RNF144A: variants seen among roughly 807,000 people sequenced by gnomAD.
RNF144A encodes E3 ubiquitin-protein ligase RNF144A.
Under a neutral mutation model 38.7 loss-of-function variants are expected in RNF144A, and 11 were observed. That is an observed-to-expected ratio of 0.28 (90% CI 0.18 to 0.47). The LOEUF (loss-of-function observed/expected upper bound fraction) is 0.47, where lower values mean the gene tolerates loss of function less well. Among genes scored for constraint, RNF144A ranks in the 20% least tolerant of loss-of-function variants. The pLI, the probability that RNF144A is intolerant of heterozygous loss-of-function variation, is 0.99. For synonymous variants in RNF144A, 149 were observed against 143.9 expected, an observed-to-expected ratio of 1.04 and a Z score of -0.25; for missense variants, 316 against 377.2, an observed-to-expected ratio of 0.84 and a Z score of 1.34.
chr2:6,919,578 C>T lies in RNF144A; in HGVS notation c.-212+1956C>T, dbSNP rs554841659. Among the ~76,000 whole-genome samples the T allele has an allele frequency of 1.5e-4, 22 of 147,726 alleles. 1 individual carries two copies. In the South Asian group the frequency reaches 3.4e-3, roughly 23 times the overall value. On this transcript the variant is annotated intron_variant, in intron 1 of 8. Transcript: ENST00000320892. ...GAGCCCTGCTTTAGAGTGATTTCCGCGGTGTTGCGTGGAAGGGAAGGCATG... is the reference window on the plus strand; with the variant it reads ...GAGCCCTGCTTTAGAGTGATTTCCGTGGTGTTGCGTGGAAGGGAAGGCATG...
intron 6 of RNF144A, among the ~76,000 whole-genome samples, chr2:7,067,353 T>G (rs974777322): frequency 6.6e-6 from 1 of 152,132 alleles, no homozygotes; most frequent in African/African-American, 2.4e-5. Context: ...GATACAGACA[T>G]CAGAGAGATC....
chr2:7,005,180 G>A (rs1376341437), intron 3 of RNF144A, among the ~76,000 whole-genome samples: 1 of 152,164 alleles, frequency 6.6e-6, no homozygotes, highest in Non-Finnish European at 1.5e-5. Flanking sequence ...TTCAGCTGAA[G>A]GTCCCTCTGT....
rs1427910876 is a variant in RNF144A at position 7,041,642 on chromosome 2, G to C, written c.*1882G>C. The C allele has an allele frequency of 2.3e-5, 23 of 985,550 alleles. No homozygotes were observed. Among genetic ancestry groups the C allele is most frequent in the Non-Finnish European group, 2.5e-5 (21 of 829,992 alleles). The allele number at this position is 985,550 out of a possible 1,614,324, so 61.1% of individuals were successfully genotyped here. A position where few individuals can be genotyped will look rare whatever the true frequency, so the allele number is the denominator to read the frequency against. ...TTGGCTGGGCTTGAGCCCTCAGCCT[G>C]TGATATGTGGATGCAGCTGTCCAGC... On this transcript the variant is annotated 3_prime_UTR_variant, in exon 9 of 9. Coordinates refer to ENST00000320892, the MANE Select transcript of RNF144A (RefSeq NM_014746.6).
At chr2:6,951,906 G>T (rs1666704458) in intron 2 of RNF144A, among the ~76,000 whole-genome samples, 1 of 151,990 alleles carries the variant, frequency 6.6e-6, no homozygotes, top group South Asian at 2.1e-4. Context: ...TCTTTCTTGT[G>T]ATTGCTTTCT....
intron 3 of RNF144A, among the ~76,000 whole-genome samples, chr2:7,000,061 G>A (rs999178925): frequency 3.9e-5 from 6 of 152,126 alleles, no homozygotes; most frequent in African/African-American, 9.7e-5. Context: ...TGCTAATATG[G>A]CACTCCCCTG....
intron 2 of RNF144A, among the ~76,000 whole-genome samples, chr2:6,986,877 G>A (rs1443165909): frequency 6.6e-6 from 1 of 152,084 alleles, no homozygotes; most frequent in African/African-American, 2.4e-5. Context: ...AAAAGAAGGA[G>A]GGATGATCCA....
intron 5 of RNF144A, among the ~76,000 whole-genome samples, chr2:7,019,714 A>G (rs1413885819): frequency 6.6e-6 from 1 of 152,262 alleles, no homozygotes; most frequent in Non-Finnish European, 1.5e-5. Flanking sequence ...AGGGCAGCCA[A>G]TAATTTAAAG....
At chr2:6,931,397 G>T (rs1041044086) in intron 1 of RNF144A, among the ~76,000 whole-genome samples, 1 of 152,248 alleles carries the variant, frequency 6.6e-6, no homozygotes, top group Admixed American at 6.5e-5. Context: ...TGTCCAAAAT[G>T]CAGATTAACA....
At chr2:7,004,327 T>C (rs1670301599) in intron 3 of RNF144A, among the ~76,000 whole-genome samples, 1 of 152,184 alleles carries the variant, frequency 6.6e-6, no homozygotes, top group Non-Finnish European at 1.5e-5. Context: ...TTTCAGTAAC[T>C]CCTGTAGATA....
Position 6,942,945 on chromosome 2 carries a change from T to C in RNF144A, c.-12+1798T>C, listed in dbSNP as rs146561045. 2.7e-3 allele frequency among the ~76,000 whole-genome samples: 410 copies of C among 152,230 alleles called. 2 individuals carry two copies. Among genetic ancestry groups the C allele is most frequent in the African/African-American group, 9.2e-3 (384 of 41,524 alleles). On this transcript the variant is annotated intron_variant, in intron 2 of 8. Transcript: ENST00000320892. Reference sequence around the variant, plus strand: ...GTCGCAGTGAGCTGAGTTCGTGGCATTGCACTCCAGCCTGGGTGACAAAAG... The same window carrying C: ...GTCGCAGTGAGCTGAGTTCGTGGCACTGCACTCCAGCCTGGGTGACAAAAG...
In RNF144A at chr2:6,962,248, C is replaced by T. The variant is rs562240899; in HGVS notation, c.-12+21101C>T. 2.4e-4 allele frequency among the ~76,000 whole-genome samples: 36 copies of T among 152,250 alleles called. No homozygotes were observed. The highest frequency in any genetic ancestry group is 6.2e-4 in the South Asian group (3 of 4,824). ...CCACCCTAATGATTTATTATGCAGGCGGGTTCTCTGCCTGAGCTCCACCAT... is the reference window on the plus strand; with the variant it reads ...CCACCCTAATGATTTATTATGCAGGTGGGTTCTCTGCCTGAGCTCCACCAT... On this transcript the variant is annotated intron_variant, in intron 2 of 8. Coordinates refer to ENST00000320892, the MANE Select transcript of RNF144A (RefSeq NM_014746.6). This position sits in a 1 kb window ranked among gnomAD's most constrained non-coding sequence, Gnocchi z 4.1.
At position 7,000,512 on chromosome 2, in the gene RNF144A, G is replaced by A. The variant is rs550947312; in HGVS notation, c.135+3451G>A. On this transcript the variant is annotated intron_variant, in intron 3 of 8. Transcript: ENST00000320892. ...TGTAGAAGATGTTTTAACTTAAAAT[G>A]GGACATATTAGAGCTATTTAGGTCT... Among the ~76,000 whole-genome samples, 6 of 152,312 alleles carry A rather than the reference G, an allele frequency of 3.9e-5. No individual in the cohort carries two copies. In the South Asian group the frequency reaches 1.2e-3, roughly 32 times the overall value.
At position 6,941,498 on chromosome 2, in the gene RNF144A, G is replaced by A. The variant is rs1312491625; in HGVS notation, c.-12+351G>A. Among the ~76,000 whole-genome samples, 1 of 152,198 alleles carries A rather than the reference G, an allele frequency of 6.6e-6. No individual in the cohort carries two copies. Among genetic ancestry groups the A allele is most frequent in the Non-Finnish European group, 1.5e-5 (1 of 68,042 alleles). On this transcript the variant is annotated intron_variant, in intron 2 of 8. Coordinates refer to ENST00000320892, the MANE Select transcript of RNF144A (RefSeq NM_014746.6). This position sits in a 1 kb window ranked among gnomAD's most constrained non-coding sequence, Gnocchi z 6.5. Reference sequence around the variant, plus strand: ...GTGTGCCAGGCACAGCTCTAACTCAGAACTCAGTGAGGCAGCACCAGTGCC... The same window carrying A: ...GTGTGCCAGGCACAGCTCTAACTCAAAACTCAGTGAGGCAGCACCAGTGCC...
At chr2:6,993,439 C>T (rs573870189) in intron 2 of RNF144A, among the ~76,000 whole-genome samples, 1 of 152,128 alleles carries the variant, frequency 6.6e-6, no homozygotes, top group Non-Finnish European at 1.5e-5. Context: ...AACAGAGAGG[C>T]AGTAAACAGG....
At chr2:7,070,771 A>G (rs1674445721), downstream of RNF144A, among the ~76,000 whole-genome samples, 1 of 152,094 alleles carries the variant, frequency 6.6e-6, no homozygotes, top group Non-Finnish European at 1.5e-5. Flanking sequence ...CAAGCCAAAA[A>G]AGTTCCGCGA....
chr2:6,982,639 G>T (rs1388882753), intron 2 of RNF144A, among the ~76,000 whole-genome samples: 1 of 152,194 alleles, frequency 6.6e-6, no homozygotes, highest in African/African-American at 2.4e-5. Context: ...CGGCTGTGGG[G>T]TAAAAGGAAG....
At chr2:7,070,677 C>A (rs916989457), downstream of RNF144A, among the ~76,000 whole-genome samples, 1 of 152,106 alleles carries the variant, frequency 6.6e-6, no homozygotes, top group Non-Finnish European at 1.5e-5. Context: ...ACACATACAC[C>A]CAGAGGCAAG....
Position 7,040,692 on chromosome 2 carries a change from G to C in RNF144A, c.*932G>C, listed in dbSNP as rs1572466230. 1 of 985,492 alleles carries C rather than the reference G, an allele frequency of 1.0e-6. No individual in the cohort carries two copies. The highest frequency in any genetic ancestry group is 1.1e-4 in the East Asian group (1 of 8,822). 61.0% of individuals were successfully genotyped at this position (985,492 alleles called of 1,614,324 possible). On this transcript the variant is annotated 3_prime_UTR_variant, in exon 9 of 9. Coordinates refer to ENST00000320892, the MANE Select transcript of RNF144A (RefSeq NM_014746.6). ...GGCCTCTGGCCTCAGTCTTCAGATA[G>C]ACAGTAAGAAGAAAGCAGCCTCATT...
At chr2:6,926,545 T>C in intron 1 of RNF144A, among the ~76,000 whole-genome samples, 1 of 152,156 alleles carries the variant, frequency 6.6e-6, no homozygotes, top group East Asian at 1.9e-4. Context: ...GGCTTCAAGG[T>C]TGCAGGTGTG....
Sources: gnomAD v4.1 joint callset for allele counts (sites outside exome capture counted in the v4.1 genomes callset) on GRCh38, gnomAD v4.1.1 for gene constraint, Gnocchi (gnomAD v3.1) non-coding constraint, MANE v1.5 for transcripts, NCBI Gene and HGNC (gene_info 2026-07-23, HGNC 2026-07-21) for gene names.